SLC12A2: variants seen among roughly 807,000 people sequenced by gnomAD.
SLC12A2 encodes solute carrier family 12 member 2.
SLC12A2 carries 67 observed loss-of-function variants against 136.3 expected under a neutral mutation model. The observed-to-expected ratio is 0.49, with a 90% CI of 0.40 to 0.60. The LOEUF (loss-of-function observed/expected upper bound fraction) is 0.60. SLC12A2 is among the 20% of genes least tolerant of loss of function. The pLI is 0.00. For missense variants in SLC12A2, 1,322 were observed against 1,534.7 expected (o/e 0.86, Z 2.32); for synonymous variants, 619 against 562.9 (o/e 1.10, Z -1.41).
Position 128,083,769 on chromosome 5 carries a change from C to A in SLC12A2, c.-186C>A. 7.7e-6 allele frequency: 3 copies of A among 387,684 alleles called. No individual in the cohort carries two copies. The highest frequency in any genetic ancestry group is 1.3e-5 in the Non-Finnish European group (3 of 227,384). 24.0% of individuals were successfully genotyped at this position (387,684 alleles called of 1,614,324 possible). On this transcript the variant is annotated 5_prime_UTR_variant, in exon 1 of 27. Coordinates refer to ENST00000262461, the MANE Select transcript of SLC12A2 (RefSeq NM_001046.3). Reference sequence around the variant, plus strand: ...CGGGGCCCGCCCCGCGCCCGCCACACTCGCGCGCTCGCTCGGCTGCCGGTG... The same window carrying A: ...CGGGGCCCGCCCCGCGCCCGCCACAATCGCGCGCTCGCTCGGCTGCCGGTG...
At chr5:128,094,182 A>G (rs2126643832) in intron 1 of SLC12A2, among the ~76,000 whole-genome samples, 1 of 151,332 alleles carries the variant, frequency 6.6e-6, no homozygotes, top group Admixed American at 6.6e-5. Context: ...TTCAAGCTCC[A>G]TGAGAAGCTG....
At position 128,090,506 on chromosome 5, in the gene SLC12A2, T is replaced by A. The variant is rs112378061; in HGVS notation, c.756+5796T>A. The stretch of plus-strand genomic sequence containing the variant: ...AACCTAGTTATTCAACAAATCCTTG[T>A]TGAACATCAACAACAACACTGTTCT... On this transcript the variant is annotated intron_variant, in intron 1 of 26. Coordinates refer to ENST00000262461, the MANE Select transcript of SLC12A2 (RefSeq NM_001046.3). 4.5e-3 allele frequency among the ~76,000 whole-genome samples: 682 copies of A among 152,330 alleles called. 1 individual carries two copies. The highest frequency in any genetic ancestry group is 8.1e-3 in the Non-Finnish European group (552 of 68,024).
intron 1 of SLC12A2, among the ~76,000 whole-genome samples, chr5:128,098,442 A>G (rs1290154388): frequency 6.7e-6 from 1 of 149,712 alleles, no homozygotes; most frequent in African/African-American, 2.4e-5. Context: ...AATTTAACAT[A>G]TGGGCCACAT....
chr5:128,096,949 A>G (rs1344277750), intron 1 of SLC12A2, among the ~76,000 whole-genome samples: 2 of 152,122 alleles, frequency 1.3e-5, no homozygotes, highest in Non-Finnish European at 2.9e-5. Flanking sequence ...ATATAAGAAC[A>G]GGACCTGAAT....
intron 4 of SLC12A2, among the ~76,000 whole-genome samples, chr5:128,121,163 T>C (rs1360831818): frequency 6.6e-6 from 1 of 152,186 alleles, no homozygotes; most frequent in Admixed American, 6.5e-5. Flanking sequence ...TTGTACTTTG[T>C]TATTAACTTG....
In SLC12A2 at chr5:128,084,333, G is replaced by C; in HGVS notation, c.379G>C (p.Glu127Gln). 4.5e-6 allele frequency: 7 copies of C among 1,572,088 alleles called. No individual in the cohort carries two copies. Among genetic ancestry groups the C allele is most frequent in the Non-Finnish European group, 6.0e-6 (7 of 1,163,836 alleles). ...PADGEASGESEPAKGSEEAKG... is the reference protein window; with the variant it reads ...PADGEASGESQPAKGSEEAKG... ...GGACGGGGAAGCCAGCGGCGAGAGC[G>C]AGCCGGCTAAAGGCAGCGAGGAAGC... The change falls in exon 1 of 27, where the codon GAG becomes CAG. Residue 127 changes from glutamate (E) to glutamine (Q), a missense_variant. Physicochemically the swap from Glu to Gln is conservative, Grantham distance 29 (BLOSUM62 2). Around this residue, in one of 8 missense-constraint regions of SLC12A2, gnomAD observed 358 missense variants for 299.7 expected, o/e 1.19. Coordinates refer to ENST00000262461, the MANE Select transcript of SLC12A2 (RefSeq NM_001046.3). This position sits in a 1 kb window ranked among gnomAD's most constrained non-coding sequence, Gnocchi z 5.6.
intron 12 of SLC12A2, 88 bp from the exon 13 acceptor site, chr5:128,149,909 T>G: frequency 1.1e-6 from 1 of 900,510 alleles, no homozygotes; most frequent in South Asian, 1.4e-5. Context: ...GGGTGTTACG[T>G]TGTTATCTAA....
chr5:128,167,619 G>C, intron 17 of SLC12A2, 142 bp from the exon 18 acceptor site: 1 of 509,354 alleles, frequency 2.0e-6, no homozygotes, highest in South Asian at 3.6e-5. Context: ...TAATTTATAA[G>C]TAAATATGAA....
chr5:128,092,590 T>G lies in SLC12A2; in HGVS notation c.756+7880T>G, dbSNP rs146244744. Among the ~76,000 whole-genome samples the G allele has an allele frequency of 4.0e-3, 604 of 152,302 alleles. 5 individuals are homozygous for G. Among genetic ancestry groups the G allele is most frequent in the African/African-American group, 0.014 (587 of 41,572 alleles). ...ATATACCGTATTTTATTTGACACTG[T>G]GTCTAAAACATTCATTGCAGATATA... On this transcript the variant is annotated intron_variant, in intron 1 of 26. Transcript: ENST00000262461.
At chr5:128,101,344 C>CA (rs1193574109) in intron 1 of SLC12A2, among the ~76,000 whole-genome samples, 4 of 152,112 alleles carry the variant, frequency 2.6e-5, no homozygotes, top group South Asian at 2.1e-4. Context: ...ACCTATGATT[C>CA]ATGATAGTAA....
At chr5:128,152,327 CCAAA>C (rs1462304085) in intron 14 of SLC12A2, among the ~76,000 whole-genome samples, 3 of 151,948 alleles carry the variant, frequency 2.0e-5, no homozygotes, top group South Asian at 2.1e-4. Context: ...TTCAAATAAC[CCAAA>C]CAGTTAAGTA....
chr5:128,164,085 C>T (rs902317729), intron 17 of SLC12A2, among the ~76,000 whole-genome samples: 2 of 151,976 alleles, frequency 1.3e-5, no homozygotes, highest in African/African-American at 4.8e-5. Flanking sequence ...TTCCTTAGAG[C>T]AGTGGTCATT....
intron 1 of SLC12A2, among the ~76,000 whole-genome samples, chr5:128,094,482 C>T (rs943586578): frequency 9.9e-5 from 15 of 151,908 alleles, no homozygotes; most frequent in African/African-American, 3.6e-4. Flanking sequence ...ATTACTGAGT[C>T]TCAGTTGGCA....
intron 12 of SLC12A2, among the ~76,000 whole-genome samples, chr5:128,149,314 C>T (rs1762624192): frequency 6.6e-6 from 1 of 151,750 alleles, no homozygotes; most frequent in Non-Finnish European, 1.5e-5. Flanking sequence ...TGATGTACCA[C>T]AAGTGTTGTG....
At position 128,084,650 on chromosome 5, in the gene SLC12A2, G is replaced by A; in HGVS notation, c.696G>A (p.Ala232=). The stretch of plus-strand genomic sequence containing the variant: ...TCGATCACTACCGGCACACAGCCGC[G>A]CAGCTGGGCGAGAAGCTGCTCCGGC... The part of the protein sequence containing the change: ...PRIDHYRHTA[A]QLGEKLLRPS... Residue 232 remains alanine, a synonymous_variant, in exon 1 of 27, where the codon GCG becomes GCA. Coordinates refer to ENST00000262461, the MANE Select transcript of SLC12A2 (RefSeq NM_001046.3). The surrounding 1 kb of genome is among the most constrained non-coding windows in gnomAD (Gnocchi z 5.6). The A allele has an allele frequency of 6.2e-7, 1 of 1,612,616 alleles. No individual in the cohort carries two copies. The highest frequency in any genetic ancestry group is 2.2e-5 in the East Asian group (1 of 44,804).
At chr5:128,152,849 G>A (rs41298326) in intron 15 of SLC12A2, 44 bp downstream of exon 15, 12,030 of 1,140,770 alleles carry the variant, frequency 0.011, 97 homozygotes, top group Middle Eastern at 0.018. Context: ...TCTCTTTGCT[G>A]GCCAGTCAGT....
At position 128,083,911 on chromosome 5, in the gene SLC12A2, A is replaced by T; in HGVS notation, c.-44A>T. 1.6e-6 allele frequency: 2 copies of T among 1,213,470 alleles called. No homozygotes were observed. The highest frequency in any genetic ancestry group is 2.1e-6 in the Non-Finnish European group (2 of 975,274). The allele number at this position is 1,213,470 out of a possible 1,614,324, so 75.2% of individuals were successfully genotyped here. On this transcript the variant is annotated 5_prime_UTR_variant, in exon 1 of 27. Coordinates refer to ENST00000262461, the MANE Select transcript of SLC12A2 (RefSeq NM_001046.3). ...AGGGGTGTGGAGGGCGTGCTGCCGG[A>T]GACGTCCGCCGGGCTCTGCAGTTCC...
intron 18 of SLC12A2, chr5:128,168,559 CTTTA>C (rs1045173665): frequency 2.6e-5 from 4 of 152,132 alleles, no homozygotes; most frequent in African/African-American, 2.4e-5. Context: ...TTATTGTGGA[CTTTA>C]TTTATATTAT....
At chr5:128,152,869 T>C (rs1189884857) in intron 15 of SLC12A2, 64 bp downstream of exon 15, 68 of 971,704 alleles carry the variant, frequency 7.0e-5, no homozygotes, top group Non-Finnish European at 5.0e-6. Context: ...TTCTTATTTT[T>C]CATTGACATT....
Sources: gnomAD v4.1 joint callset for allele counts (sites outside exome capture counted in the v4.1 genomes callset) on GRCh38, gnomAD v4.1.1 for gene constraint, gnomAD v4.1.1 regional missense constraint, Gnocchi (gnomAD v3.1) non-coding constraint, MANE v1.5 for transcripts, NCBI Gene and HGNC (gene_info 2026-07-23, HGNC 2026-07-21) for gene names.